Variants in AGBL4 observed in about 807,000 individuals in gnomAD.
The protein encoded by AGBL4 is cytosolic carboxypeptidase 6.
AGBL4 carries 58 observed loss-of-function variants against 66.4 expected under a neutral mutation model. That is an observed-to-expected ratio of 0.87 (90% CI 0.71 to 1.09). The LOEUF (loss-of-function observed/expected upper bound fraction) is 1.09. AGBL4 is among the 50% of genes least tolerant of loss of function. The pLI is 0.00. For synonymous variants in AGBL4, 234 were observed against 222.9 expected (o/e 1.05, Z -0.44); for missense variants, 579 against 631.0 (o/e 0.92, Z 0.88).
intron 3 of AGBL4, among the ~76,000 whole-genome samples, chr1:49,517,361 C>G (rs1396952689): frequency 6.6e-6 from 1 of 151,550 alleles, no homozygotes; most frequent in African/African-American, 2.4e-5. Context: ...GGGTATTTCT[C>G]CTAGTATCAG....
chr1:49,822,070 C>A (rs1008986906), intron 2 of AGBL4, among the ~76,000 whole-genome samples: 20 of 151,948 alleles, frequency 1.3e-4, no homozygotes, highest in African/African-American at 4.4e-4. Context: ...AGATTTAAAT[C>A]ACATCCATTT....
intron 6 of AGBL4, among the ~76,000 whole-genome samples, chr1:48,857,937 T>C (rs1647218416): frequency 6.6e-6 from 1 of 152,098 alleles, no homozygotes; most frequent in Non-Finnish European, 1.5e-5. Flanking sequence ...GATAAAATAG[T>C]ATCCAGAATA....
At chr1:49,002,974 A>G (rs1200284240) in intron 5 of AGBL4, among the ~76,000 whole-genome samples, 3 of 152,244 alleles carry the variant, frequency 2.0e-5, no homozygotes, top group South Asian at 2.1e-4. Flanking sequence ...GCTTTGACTC[A>G]GGCCCATCAT....
At chr1:49,669,684 A>T (rs957325435) in intron 3 of AGBL4, among the ~76,000 whole-genome samples, 1 of 152,196 alleles carries the variant, frequency 6.6e-6, no homozygotes, top group African/African-American at 2.4e-5. Flanking sequence ...TTGACCAGTT[A>T]TCTACCATGT....
At chr1:49,170,801 A>T (rs1397437960) in intron 4 of AGBL4, among the ~76,000 whole-genome samples, 1 of 152,044 alleles carries the variant, frequency 6.6e-6, no homozygotes, top group Non-Finnish European at 1.5e-5. Flanking sequence ...TCTATATGAC[A>T]AATCACCCAA....
chr1:48,814,837 C>T (rs1390381301), intron 6 of AGBL4, among the ~76,000 whole-genome samples: 1 of 152,080 alleles, frequency 6.6e-6, no homozygotes, highest in Non-Finnish European at 1.5e-5. Context: ...TACATCTTGG[C>T]TGTTAACAGT....
intron 6 of AGBL4, among the ~76,000 whole-genome samples, chr1:48,856,874 CTAGG>C (rs1647172062): frequency 6.6e-6 from 1 of 152,106 alleles, no homozygotes; most frequent in Non-Finnish European, 1.5e-5. Flanking sequence ...CCCTGACATT[CTAGG>C]CTTTCTTTAT....
intron 3 of AGBL4, among the ~76,000 whole-genome samples, chr1:49,594,476 C>T (rs951437690): frequency 6.6e-6 from 1 of 152,122 alleles, no homozygotes; most frequent in African/African-American, 2.4e-5. Context: ...TTAAGCCCCA[C>T]ATGCATTACA....
chr1:49,915,224 T>C (rs981989708), intron 1 of AGBL4, among the ~76,000 whole-genome samples: 12 of 152,008 alleles, frequency 7.9e-5, no homozygotes, highest in Non-Finnish European at 1.3e-4. Context: ...CTGGGGCATG[T>C]TGGACAGTGG....
At chr1:48,954,364 T>C (rs1657258722) in intron 5 of AGBL4, among the ~76,000 whole-genome samples, 1 of 152,218 alleles carries the variant, frequency 6.6e-6, no homozygotes, top group African/African-American at 2.4e-5. Context: ...ATTATCAAAA[T>C]TGATTCCAAT....
intron 3 of AGBL4, among the ~76,000 whole-genome samples, chr1:49,559,187 G>C (rs1287911196): frequency 1.3e-5 from 2 of 152,140 alleles, no homozygotes; most frequent in Non-Finnish European, 2.9e-5. Flanking sequence ...GCAGGTTTTT[G>C]TGTCATGCCA....
At chr1:48,988,132 A>G (rs182072437) in intron 5 of AGBL4, among the ~76,000 whole-genome samples, 102 of 152,212 alleles carry the variant, frequency 6.7e-4, no homozygotes, top group African/African-American at 2.3e-3. Flanking sequence ...TCTGAATGCT[A>G]TATACATACA....
At chr1:49,353,845 G>A (rs1405158957) in intron 3 of AGBL4, among the ~76,000 whole-genome samples, 1 of 152,022 alleles carries the variant, frequency 6.6e-6, no homozygotes. Context: ...ACTGGCCATG[G>A]GACAGCTGAA....
chr1:48,832,423 A>T (rs1310957296), intron 6 of AGBL4, among the ~76,000 whole-genome samples: 6 of 152,118 alleles, frequency 3.9e-5, no homozygotes, highest in East Asian at 3.9e-4. Flanking sequence ...CTCTGCTCTA[A>T]TGGCATCAAT....
intron 3 of AGBL4, among the ~76,000 whole-genome samples, chr1:49,566,078 T>G (rs1211604442): frequency 6.6e-6 from 1 of 152,226 alleles, no homozygotes; most frequent in Non-Finnish European, 1.5e-5. Context: ...TACCCTTTCT[T>G]CCCGTTGATC....
At chr1:48,534,409 C>T in intron 13 of AGBL4, 116 bp from the exon 14 acceptor site, 3 of 1,355,332 alleles carry the variant, frequency 2.2e-6, no homozygotes. Flanking sequence ...GGAACAGTAA[C>T]CTAGTCTTCT....
chr1:49,731,716 GA>G (rs969966274), intron 2 of AGBL4, among the ~76,000 whole-genome samples: 31 of 151,534 alleles, frequency 2.0e-4, no homozygotes, highest in Middle Eastern at 3.4e-3. Flanking sequence ...AAGGTGAAGG[GA>G]AAAAAAATAG....
rs565309810 is a variant in AGBL4 at position 49,363,254 on chromosome 1, A to G, written c.283-117390T>C. On this transcript the variant is annotated intron_variant, in intron 3 of 13. Transcript: ENST00000371839. The stretch of plus-strand genomic sequence containing the variant: ...TATCTTCATTTCTGAAGAGGTATAT[A>G]TTACTGTCTGTTCTCTTCATAAAGC... Among the ~76,000 whole-genome samples, 145 of 152,308 alleles carry G rather than the reference A, an allele frequency of 9.5e-4. 1 individual carries two copies. The highest frequency in any genetic ancestry group is 3.3e-3 in the African/African-American group (138 of 41,572).
chr1:48,882,548 G>A (rs1436964811), intron 5 of AGBL4, among the ~76,000 whole-genome samples: 1 of 152,012 alleles, frequency 6.6e-6, no homozygotes, highest in African/African-American at 2.4e-5. Context: ...TATCTTGAAT[G>A]TCCTTACCAC....
Sources: gnomAD v4.1 joint callset for allele counts (sites outside exome capture counted in the v4.1 genomes callset) on GRCh38, gnomAD v4.1.1 for gene constraint, MANE v1.5 for transcripts, NCBI Gene and HGNC (gene_info 2026-07-23, HGNC 2026-07-21) for gene names.